Variants in CXCL10 observed in about 807,000 individuals in gnomAD.
CXCL10 encodes C-X-C motif chemokine ligand 10.
Under a neutral mutation model 10.8 loss-of-function variants are expected in CXCL10, and 6 were observed. That is an observed-to-expected ratio of 0.55 (90% CI 0.30 to 1.09). The LOEUF is 1.09. CXCL10 is among the 50% of genes least tolerant of loss of function. The pLI, the probability that CXCL10 is intolerant of heterozygous loss-of-function variation, is 0.06. For missense variants in CXCL10, 114 were observed against 114.3 expected (o/e 1.00, Z 0.01); for synonymous variants, 35 against 35.8 (o/e 0.98, Z 0.08).
Position 76,022,952 on chromosome 4 carries a change from A to C in CXCL10, c.62-135T>G, listed in dbSNP as rs146309314. ...CACTTAATCTGAGGAGGAATGGATC[A>C]CATCATAACACAACTGTAAATGATT... On this transcript the variant is annotated intron_variant, in intron 1 of 3. Coordinates refer to ENST00000306602, the MANE Select transcript of CXCL10 (RefSeq NM_001565.4). 8.7e-6 allele frequency: 7 copies of C among 803,452 alleles called. No homozygotes were observed. The Middle Eastern group carries it at 7.1e-4, about 81-fold the overall frequency. 49.8% of individuals were successfully genotyped at this position (803,452 alleles called of 1,614,324 possible).
At chr4:76,022,576 A>G (rs962091812) in intron 2 of CXCL10, 115 bp downstream of exon 2, 5 of 1,478,750 alleles carry the variant, frequency 3.4e-6, no homozygotes, top group South Asian at 1.2e-5. Context: ...TTTGCTGTAC[A>G]TTAGTTTTAG....
Position 76,021,903 on chromosome 4 carries a change from C to G in CXCL10, c.*27G>C, listed in dbSNP as rs745846751. 6.2e-7 allele frequency: 1 copy of G among 1,605,666 alleles called. No homozygotes were observed. The highest frequency in any genetic ancestry group is 1.1e-5 in the South Asian group (1 of 90,888). On this transcript the variant is annotated 3_prime_UTR_variant, in exon 4 of 4. Coordinates refer to ENST00000306602, the MANE Select transcript of CXCL10 (RefSeq NM_001565.4). ...TCTGTGTGGTCCATCCTTGGAAGCACTGCATCGATTTTGCTCCCCTCTGGT... is the reference window on the plus strand; with the variant it reads ...TCTGTGTGGTCCATCCTTGGAAGCAGTGCATCGATTTTGCTCCCCTCTGGT...
Position 76,022,771 on chromosome 4 carries a change from A to T in CXCL10, c.108T>A (p.Ser36Arg). Reference sequence around the variant, plus strand: ...AAGACCTTGGATTAACAGGTTGATTACTAATGCTGATGCAGGTACAGCGTA... The same window carrying T: ...AAGACCTTGGATTAACAGGTTGATTTCTAATGCTGATGCAGGTACAGCGTA... ...RTVRCTCISI[S>R]NQPVNPRSLE... Residue 36 changes from serine (S) to arginine (R), a missense_variant, in exon 2 of 4, where the codon AGT (serine) becomes AGA (arginine). Transcript: ENST00000306602. 13 of 1,613,194 alleles carry T rather than the reference A, an allele frequency of 8.1e-6. No homozygotes were observed. Among genetic ancestry groups the T allele is most frequent in the Non-Finnish European group, 1.1e-5 (13 of 1,179,818 alleles).
Position 76,021,656 on chromosome 4 carries a change from C to A in CXCL10, c.*274G>T. 1 of 405,020 alleles carries A rather than the reference C, an allele frequency of 2.5e-6. No homozygotes were observed. The highest frequency in any genetic ancestry group is 4.4e-6 in the Non-Finnish European group (1 of 227,136). The allele number at this position is 405,020 out of a possible 1,614,324, so 25.1% of individuals were successfully genotyped here. A position where few individuals can be genotyped will look rare whatever the true frequency, so the allele number is the denominator to read the frequency against. ...GTGAGGGAAATATTTGAAGCAGGGT[C>A]AGAACATCCACTAAGAACATAGCAC... On this transcript the variant is annotated 3_prime_UTR_variant, in exon 4 of 4. Coordinates refer to ENST00000306602, the MANE Select transcript of CXCL10 (RefSeq NM_001565.4).
At chr4:76,022,334 A>G (rs1331136369) in intron 3 of CXCL10, 32 bp downstream of exon 3, 1 of 1,563,000 alleles carries the variant, frequency 6.4e-7, no homozygotes, top group Non-Finnish European at 8.8e-7. Flanking sequence ...TTTCCTAAAG[A>G]GCAATTCTTC....
At position 76,022,850 on chromosome 4, in the gene CXCL10, G is replaced by A. The variant is rs748693711; in HGVS notation, c.62-33C>T. On this transcript the variant is annotated intron_variant, in intron 1 of 3. Transcript: ENST00000306602. ...AAAAGAGGAACAGCAGAGAAGGTTA[G>A]CACAGTGTTCATTTTAGGCATTTAA... 5.0e-6 allele frequency: 8 copies of A among 1,589,332 alleles called. No homozygotes were observed. In the East Asian group the frequency reaches 1.8e-4, roughly 36 times the overall value.
In CXCL10 at chr4:76,021,636, G is replaced by A; in HGVS notation, c.*294C>T. On this transcript the variant is annotated 3_prime_UTR_variant, in exon 4 of 4. Coordinates refer to ENST00000306602, the MANE Select transcript of CXCL10 (RefSeq NM_001565.4). ...ACCCTTGGAAGATGGGAAAGGTGAG[G>A]GAAATATTTGAAGCAGGGTCAGAAC... 1 of 370,312 alleles carries A rather than the reference G, an allele frequency of 2.7e-6. No homozygotes were observed. The highest frequency in any genetic ancestry group is 4.9e-6 in the Non-Finnish European group (1 of 206,008). 22.9% of individuals were successfully genotyped at this position (370,312 alleles called of 1,614,324 possible). A position where few individuals can be genotyped will look rare whatever the true frequency, so the allele number is the denominator to read the frequency against.
rs987709095 is a variant in CXCL10 at position 76,021,633 on chromosome 4, G to A, written c.*297C>T. ...AGTACCCTTGGAAGATGGGAAAGGTGAGGGAAATATTTGAAGCAGGGTCAG... is the reference window on the plus strand; with the variant it reads ...AGTACCCTTGGAAGATGGGAAAGGTAAGGGAAATATTTGAAGCAGGGTCAG... On this transcript the variant is annotated 3_prime_UTR_variant, in exon 4 of 4. Coordinates refer to ENST00000306602, the MANE Select transcript of CXCL10 (RefSeq NM_001565.4). 4 of 366,254 alleles carry A rather than the reference G, an allele frequency of 1.1e-5. No individual in the cohort carries two copies. The highest frequency in any genetic ancestry group is 8.3e-5 in the African/African-American group (4 of 48,042). The allele number at this position is 366,254 out of a possible 1,614,324, so 22.7% of individuals were successfully genotyped here. A position where few individuals can be genotyped will look rare whatever the true frequency, so the allele number is the denominator to read the frequency against.
Position 76,022,424 on chromosome 4 carries a change from A to G in CXCL10, c.220T>C (p.Cys74Arg). ...ATGGCCTTCGATTCTGGATTCAGAC[A>G]TCTCTTCTCACCCTTCTTTTTCATT... ...ATMKKKGEKR[C>R]LNPESKAIKN... Residue 74 changes from cysteine to arginine, a missense_variant, in exon 3 of 4, where the codon TGT becomes CGT. Physicochemically the swap from Cys to Arg is radical, Grantham distance 180 (BLOSUM62 -3). Coordinates refer to ENST00000306602, the MANE Select transcript of CXCL10 (RefSeq NM_001565.4). 1.2e-6 allele frequency: 2 copies of G among 1,613,536 alleles called. No homozygotes were observed. Among genetic ancestry groups the G allele is most frequent in the Non-Finnish European group, 1.7e-6 (2 of 1,179,940 alleles).
rs1219578407 is a variant in CXCL10, at chr4:76,022,752, T to C, written c.127A>G (p.Arg43Gly). 8 of 1,613,522 alleles carry C rather than the reference T, an allele frequency of 5.0e-6. No homozygotes were observed. The highest frequency in any genetic ancestry group is 6.8e-6 in the Non-Finnish European group (8 of 1,179,848). Residue 43 changes from arginine to glycine, a missense_variant, in exon 2 of 4, where the codon AGG becomes GGG. Coordinates refer to ENST00000306602, the MANE Select transcript of CXCL10 (RefSeq NM_001565.4). ...ATAATTTCAAGTTTTTCTAAAGACC[T>C]TGGATTAACAGGTTGATTACTAATG... ...ISISNQPVNP[R>G]SLEKLEIIPA...
At chr4:76,023,156 C>A (rs1486411931) in intron 1 of CXCL10, among the ~76,000 whole-genome samples, 1 of 152,096 alleles carries the variant, frequency 6.6e-6, no homozygotes, top group African/African-American at 2.4e-5. Context: ...TCTCTTCTGT[C>A]CTCCTTCCCT....
chr4:76,021,878 T>A lies in CXCL10; in HGVS notation c.*52A>T. ...TAGGGAAGTGATGGGAGAGGCAGCC[T>A]CTGTGTGGTCCATCCTTGGAAGCAC... On this transcript the variant is annotated 3_prime_UTR_variant, in exon 4 of 4. Coordinates refer to ENST00000306602, the MANE Select transcript of CXCL10 (RefSeq NM_001565.4). The A allele has an allele frequency of 6.4e-7, 1 of 1,557,802 alleles. No homozygotes were observed. The highest frequency in any genetic ancestry group is 8.9e-7 in the Non-Finnish European group (1 of 1,129,036).
In CXCL10 at chr4:76,021,875, G is replaced by A; in HGVS notation, c.*55C>T. Reference sequence around the variant, plus strand: ...ATGTAGGGAAGTGATGGGAGAGGCAGCCTCTGTGTGGTCCATCCTTGGAAG... The same window carrying A: ...ATGTAGGGAAGTGATGGGAGAGGCAACCTCTGTGTGGTCCATCCTTGGAAG... On this transcript the variant is annotated 3_prime_UTR_variant, in exon 4 of 4. Transcript: ENST00000306602. 2 of 1,537,082 alleles carry A rather than the reference G, an allele frequency of 1.3e-6. No homozygotes were observed. The highest frequency in any genetic ancestry group is 4.5e-5 in the East Asian group (2 of 44,442).
chr4:76,022,659 G>C (rs1341480689), intron 2 of CXCL10, 32 bp downstream of exon 2: 7 of 1,607,076 alleles, frequency 4.4e-6, no homozygotes, highest in Non-Finnish European at 6.0e-6. Context: ...ATTACAACCA[G>C]GGAAGTGATA....
At position 76,023,371 on chromosome 4, in the gene CXCL10, C is replaced by G; in HGVS notation, c.61G>C (p.Gly21Arg). 1 of 1,611,078 alleles carries G rather than the reference C, an allele frequency of 6.2e-7. No individual in the cohort carries two copies. Among genetic ancestry groups the G allele is most frequent in the East Asian group, 2.2e-5 (1 of 44,852 alleles). Residue 21 changes from glycine (G) to arginine (R), a missense_variant and splice_region_variant, in exon 1 of 4, where the codon GGA (glycine) becomes CGA (arginine). Physicochemically the swap from Gly to Arg is moderately radical, Grantham distance 125. Coordinates refer to ENST00000306602, the MANE Select transcript of CXCL10 (RefSeq NM_001565.4). ...TTAAGTATCCTTTGATGTTCCTTACCTTGAATGCCACTTAGAGTCAGAAAG... is the reference window on the plus strand; with the variant it reads ...TTAAGTATCCTTTGATGTTCCTTACGTTGAATGCCACTTAGAGTCAGAAAG... ...LIFLTLSGIQ[G>R]VPLSRTVRCT...
chr4:76,021,798 A>T lies in CXCL10; in HGVS notation c.*132T>A. 1 of 865,226 alleles carries T rather than the reference A, an allele frequency of 1.2e-6. No homozygotes were observed. The highest frequency in any genetic ancestry group is 1.5e-5 in the South Asian group (1 of 67,810). 53.6% of individuals were successfully genotyped at this position (865,226 alleles called of 1,614,324 possible). On this transcript the variant is annotated 3_prime_UTR_variant, in exon 4 of 4. Coordinates refer to ENST00000306602, the MANE Select transcript of CXCL10 (RefSeq NM_001565.4). ...GCTGATTTGGTGACCATCATTGGTC[A>T]CCTTTTAGTGTAACTGCAAACTAAG...
In CXCL10 at chr4:76,021,949, C is replaced by T. The variant is rs1386730660; in HGVS notation, c.279-1G>A. On this transcript the variant is annotated splice_acceptor_variant, in intron 3 of 3. Transcript: ENST00000306602. LOFTEE classifies it high-confidence loss of function. ...CTGGTTTTAAGGAGATCTTTTAGAC[C>T]TGTAAGAAGAGAAAGGGGATATAAA... 2 of 1,610,860 alleles carry T rather than the reference C, an allele frequency of 1.2e-6. No individual in the cohort carries two copies. Among genetic ancestry groups the T allele is most frequent in the Non-Finnish European group, 1.7e-6 (2 of 1,177,074 alleles).
At chr4:76,022,063 A>G (rs536384749) in intron 3 of CXCL10, 115 bp from the exon 4 acceptor site, 14 of 1,011,272 alleles carry the variant, frequency 1.4e-5, no homozygotes, top group East Asian at 7.2e-5. Flanking sequence ...TCCTGCTGCT[A>G]TGCATTCATT....
chr4:76,022,619 AT>A (rs200491459), intron 2 of CXCL10, 71 bp downstream of exon 2: 2 of 1,471,458 alleles, frequency 1.4e-6, no homozygotes, highest in Non-Finnish European at 1.9e-6. Context: ...ATCTTTTTTT[AT>A]TATCATTACA....
Sources: allele counts gnomAD v4.1 joint callset (sites outside exome capture counted in the v4.1 genomes callset), GRCh38; gene constraint gnomAD v4.1.1; transcripts MANE v1.5; gene names NCBI Gene and HGNC (gene_info 2026-07-23, HGNC 2026-07-21).